The following ITGAV variants were observed in gnomAD, a reference collection of about 807,000 sequenced individuals.
ITGAV encodes integrin alpha-V.
A neutral mutation model predicts 143.8 loss-of-function variants in ITGAV; 76 were observed. That is an observed-to-expected ratio of 0.53 (90% CI 0.44 to 0.64). The LOEUF (loss-of-function observed/expected upper bound fraction) is 0.64. ITGAV is among the 30% of genes least tolerant of loss of function. The probability of loss-of-function intolerance (pLI) is 0.00; values close to 1 mark genes in which losing one functional copy is unlikely to be tolerated. For missense variants in ITGAV, 1,193 were observed against 1,274.7 expected (o/e 0.94, Z 0.98); for synonymous variants, 453 against 446.7 (o/e 1.01, Z -0.18).
In ITGAV at chr2:186,663,805, G is replaced by A. The variant is rs776165007; in HGVS notation, c.1895G>A (p.Cys632Tyr). 1 of 1,612,912 alleles carries A rather than the reference G, an allele frequency of 6.2e-7. No individual in the cohort carries two copies. The highest frequency in any genetic ancestry group is 8.5e-7 in the Non-Finnish European group (1 of 1,179,188). Residue 632 changes from cysteine to tyrosine, a missense_variant, in exon 19 of 30, where the codon TGT becomes TAT. Physicochemically the swap from Cys to Tyr is radical, Grantham distance 194 (BLOSUM62 -2). Coordinates refer to ENST00000261023, the MANE Select transcript of ITGAV (RefSeq NM_002210.5). The part of the protein sequence containing the change: ...ILLDCGEDNV[C>Y]KPKLEVSVDS... ...CTTGACTGTGGTGAAGACAATGTCT[G>A]TAAACCCAAGCTGGAAGTTTCTGTA... is the stretch of plus-strand genomic sequence containing the variant.
chr2:186,649,358 T>G (rs941002084), intron 13 of ITGAV, among the ~76,000 whole-genome samples: 2 of 152,126 alleles, frequency 1.3e-5, no homozygotes, highest in Non-Finnish European at 2.9e-5. Flanking sequence ...ATTTGACTTT[T>G]TCTGAATCGT....
chr2:186,630,871 T>G lies in ITGAV; in HGVS notation c.585+13T>G, dbSNP rs772632698. On this transcript the variant is annotated intron_variant, in intron 5 of 29. Coordinates refer to ENST00000261023, the MANE Select transcript of ITGAV (RefSeq NM_002210.5). ...TGATTTTACTAAAGTAAGTTCTTAT[T>G]TAAGACTGAATGAGATTCACATCTA... 4 of 1,468,846 alleles carry G rather than the reference T, an allele frequency of 2.7e-6. No individual in the cohort carries two copies. The East Asian group carries it at 9.1e-5, about 33-fold the overall frequency. The allele number at this position is 1,468,846 out of a possible 1,614,324, so 91.0% of individuals were successfully genotyped here.
At chr2:186,601,405 A>G (rs767320321) in intron 1 of ITGAV, among the ~76,000 whole-genome samples, 9 of 151,852 alleles carry the variant, frequency 5.9e-5, no homozygotes, top group Non-Finnish European at 1.2e-4. Context: ...GGTTGCAGTG[A>G]GTTATGATTG....
chr2:186,616,839 T>C (rs1687377921), intron 2 of ITGAV, among the ~76,000 whole-genome samples: 1 of 152,156 alleles, frequency 6.6e-6, no homozygotes, highest in African/African-American at 2.4e-5. Flanking sequence ...TAATCTAAGA[T>C]ATTTCTTCCA....
Position 186,600,256 on chromosome 2 carries a change from T to A in ITGAV, c.186-1765T>A, listed in dbSNP as rs945183358. The stretch of plus-strand genomic sequence containing the variant: ...TTTCTTGCCAGGGTCTTTCTACCTC[T>A]GCCTCACATATTCCCTCCATCTCTT... On this transcript the variant is annotated intron_variant, in intron 1 of 29. Coordinates refer to ENST00000261023, the MANE Select transcript of ITGAV (RefSeq NM_002210.5). 6.8e-6 allele frequency: 9 copies of A among 1,321,684 alleles called. No individual in the cohort carries two copies. The African/African-American group carries it at 1.3e-4, about 19-fold the overall frequency. The allele number at this position is 1,321,684 out of a possible 1,614,324, so 81.9% of individuals were successfully genotyped here. A position where few individuals can be genotyped will look rare whatever the true frequency, so the allele number is the denominator to read the frequency against.
intron 13 of ITGAV, 53 bp downstream of exon 13, chr2:186,646,930 ATAGTAT>A (rs1688280030): frequency 8.7e-7 from 1 of 1,149,130 alleles, no homozygotes; most frequent in Non-Finnish European, 1.2e-6. Context: ...CTAATAGCAA[ATAGTAT>A]TAGTTACTGT....
intron 18 of ITGAV, among the ~76,000 whole-genome samples, chr2:186,659,418 A>G (rs1446607398): frequency 1.3e-5 from 2 of 152,066 alleles, no homozygotes; most frequent in African/African-American, 4.8e-5. Flanking sequence ...AAGACATTTC[A>G]TATACATGAA....
chr2:186,665,724 C>T (rs1212754451), intron 21 of ITGAV, among the ~76,000 whole-genome samples: 1 of 152,176 alleles, frequency 6.6e-6, no homozygotes, highest in Admixed American at 6.5e-5. Context: ...AAAAAGTAAA[C>T]AAAATATACC....
In ITGAV at chr2:186,680,374, C is replaced by T. The variant is rs1294837808; in HGVS notation, c.*3082C>T. The T allele has an allele frequency of 6.6e-6, 1 of 152,410 alleles. No individual in the cohort carries two copies. The highest frequency in any genetic ancestry group is 1.5e-5 in the Non-Finnish European group (1 of 67,958). The allele number at this position is 152,410 out of a possible 1,614,324, so 9.4% of individuals were successfully genotyped here. On this transcript the variant is annotated 3_prime_UTR_variant, in exon 30 of 30. Coordinates refer to ENST00000261023, the MANE Select transcript of ITGAV (RefSeq NM_002210.5). ...TTGAACGATAGAAATATGCAGCATG[C>T]AATATATGCTTATATTTCATTTTAA...
At chr2:186,640,117 CCTTA>C (rs1225148647) in intron 10 of ITGAV, among the ~76,000 whole-genome samples, 6 of 152,140 alleles carry the variant, frequency 3.9e-5, no homozygotes, top group Non-Finnish European at 7.4e-5. Context: ...TCATTTTTCA[CCTTA>C]CTTTATATTT....
intron 3 of ITGAV, among the ~76,000 whole-genome samples, chr2:186,623,463 T>C (rs1687590355): frequency 6.6e-6 from 1 of 152,180 alleles, no homozygotes; most frequent in South Asian, 2.1e-4. Context: ...TGGCTGCTCT[T>C]AACGTTCAGT....
chr2:186,649,815 A>G lies in ITGAV; in HGVS notation c.1352-25A>G, dbSNP rs1688373030. On this transcript the variant is annotated intron_variant, in intron 13 of 29. Transcript: ENST00000261023. ...ATTTTAAAAACCATTATCATTATTA[A>G]CATGTTTTTCCACTCTTTCTTAAGA... is the stretch of plus-strand genomic sequence containing the variant. The G allele has an allele frequency of 2.0e-6, 3 of 1,511,250 alleles. No homozygotes were observed. In the East Asian group the frequency reaches 6.8e-5, roughly 34 times the overall value. The allele number at this position is 1,511,250 out of a possible 1,614,324, so 93.6% of individuals were successfully genotyped here.
intron 6 of ITGAV, among the ~76,000 whole-genome samples, chr2:186,635,446 G>C (rs1307055065): frequency 1.3e-5 from 2 of 152,188 alleles, no homozygotes; most frequent in East Asian, 3.8e-4. Flanking sequence ...TGACTGAACA[G>C]ATGGGAACAG....
intron 1 of ITGAV, among the ~76,000 whole-genome samples, chr2:186,594,849 T>C (rs144947101): frequency 1.8e-3 from 267 of 152,334 alleles, no homozygotes; most frequent in African/African-American, 5.7e-3. Context: ...TGGCTGATTT[T>C]TCTCATCATA....
At chr2:186,643,561 T>C (rs1688167167) in intron 12 of ITGAV, among the ~76,000 whole-genome samples, 1 of 152,234 alleles carries the variant, frequency 6.6e-6, no homozygotes, top group Admixed American at 6.5e-5. Context: ...AGTGTCATTG[T>C]TCCTGTATTC....
chr2:186,622,213 A>G, intron 2 of ITGAV, 126 bp from the exon 3 acceptor site: 1 of 651,860 alleles, frequency 1.5e-6, no homozygotes, highest in Non-Finnish European at 2.6e-6. Context: ...ATATGAGAAA[A>G]ATAACCAGTG....
intron 19 of ITGAV, 62 bp from the exon 20 acceptor site, chr2:186,664,430 AAC>A (rs1688830194): frequency 1.3e-6 from 2 of 1,483,202 alleles, no homozygotes; most frequent in African/African-American, 2.8e-5. Context: ...TCTTTCTTTG[AAC>A]AGTCATACTT....
chr2:186,611,828 C>T (rs753251911), intron 2 of ITGAV, among the ~76,000 whole-genome samples: 12 of 151,916 alleles, frequency 7.9e-5, no homozygotes, highest in African/African-American at 1.5e-4. Flanking sequence ...CCCAGCACTT[C>T]GGGAGGCAGA....
intron 5 of ITGAV, among the ~76,000 whole-genome samples, chr2:186,632,267 T>C (rs927560991): frequency 2.6e-5 from 4 of 152,114 alleles, no homozygotes; most frequent in Non-Finnish European, 4.4e-5. Context: ...ATTTTTAAAA[T>C]ATATAATGTC....
Sources: gnomAD v4.1 joint callset for allele counts (sites outside exome capture counted in the v4.1 genomes callset) on GRCh38, gnomAD v4.1.1 for gene constraint, MANE v1.5 for transcripts, NCBI Gene and HGNC (gene_info 2026-07-23, HGNC 2026-07-21) for gene names.